MED15: variants seen among roughly 807,000 people sequenced by gnomAD.
The protein encoded by MED15 is mediator of RNA polymerase II transcription subunit 15.
In MED15, 41 loss-of-function variants were observed where a neutral mutation model predicts 118.7. The ratio of observed to expected loss-of-function variants is 0.35; its 90% CI spans 0.27 to 0.45. The LOEUF (loss-of-function observed/expected upper bound fraction) is 0.45, where lower values mean the gene tolerates loss of function less well. MED15 is among the 20% of genes least tolerant of loss of function. The probability of loss-of-function intolerance (pLI) is 1.00; values close to 1 mark genes in which losing one functional copy is unlikely to be tolerated. For synonymous variants in MED15, 436 were observed against 413.9 expected (o/e 1.05, Z -0.65); for missense variants, 740 against 1,025.5 (o/e 0.72, Z 3.80).
rs1304769098 is a variant in MED15 at position 20,586,712 on chromosome 22, T to C, written c.*8T>C. ...TGCCTCTCAGCCGCCTAGCCAAGAC[T>C]GCAGGGATGGCCCGCAGCCTCATCG... On this transcript the variant is annotated 3_prime_UTR_variant, in exon 18 of 18. Transcript: ENST00000263205. 7.4e-6 allele frequency: 12 copies of C among 1,612,204 alleles called. No homozygotes were observed. Among genetic ancestry groups the C allele is most frequent in the Non-Finnish European group, 1.0e-5 (12 of 1,179,884 alleles).
intron 1 of MED15, among the ~76,000 whole-genome samples, chr22:20,536,449 A>T (rs1471783414): frequency 6.6e-6 from 1 of 152,234 alleles, no homozygotes; most frequent in Non-Finnish European, 1.5e-5. Flanking sequence ...CAGCAGTGTG[A>T]TGAAAAACTC....
chr22:20,581,753 G>A (rs971939752), intron 9 of MED15: 1 of 152,276 alleles, frequency 6.6e-6, no homozygotes, highest in African/African-American at 2.4e-5. Flanking sequence ...CCTGATGCCT[G>A]GGTGGTGTGG....
intron 2 of MED15, among the ~76,000 whole-genome samples, chr22:20,544,417 G>C (rs2146482597): frequency 6.6e-6 from 1 of 152,328 alleles, no homozygotes; most frequent in African/African-American, 2.4e-5. Flanking sequence ...TGTAATCCCA[G>C]CACTTTGGGA....
chr22:20,515,833 T>A (rs2054233776), intron 1 of MED15, among the ~76,000 whole-genome samples: 1 of 150,324 alleles, frequency 6.7e-6, no homozygotes, highest in South Asian at 2.1e-4. Context: ...TAAAACCTCG[T>A]CTCTACTAAA....
At chr22:20,555,485 C>G (rs536090749) in intron 5 of MED15, among the ~76,000 whole-genome samples, 1 of 152,300 alleles carries the variant, frequency 6.6e-6, no homozygotes, top group Admixed American at 6.5e-5. Flanking sequence ...GGCTGAGTGC[C>G]AGCAACCACA....
At chr22:20,582,313 T>G (rs376340779) in intron 9 of MED15, 1 of 506,954 alleles carries the variant, frequency 2.0e-6, no homozygotes, top group Non-Finnish European at 3.5e-6. Flanking sequence ...CCTCCCAGAC[T>G]GCCCTTTTCC....
chr22:20,571,496 G>T (rs957806709), intron 8 of MED15, among the ~76,000 whole-genome samples: 5 of 152,256 alleles, frequency 3.3e-5, no homozygotes, highest in Non-Finnish European at 7.3e-5. Context: ...TCAAAGTCCA[G>T]CAGTGGGTAG....
At chr22:20,556,813 C>G (rs1421977337) in intron 5 of MED15, among the ~76,000 whole-genome samples, 1 of 152,154 alleles carries the variant, frequency 6.6e-6, no homozygotes, top group Non-Finnish European at 1.5e-5. Context: ...TGTTGTGTGT[C>G]TCTGTAGTTC....
At chr22:20,512,006 G>T (rs997734) in intron 1 of MED15, among the ~76,000 whole-genome samples, 106,276 of 122,956 alleles carry the variant, frequency 0.86, 45,294 homozygotes, top group African/African-American at 0.94. Flanking sequence ...TTTTTTTTTT[G>T]GAGACAAGAT....
intron 2 of MED15, among the ~76,000 whole-genome samples, chr22:20,547,535 A>G (rs1314880766): frequency 3.9e-5 from 6 of 152,208 alleles, no homozygotes; most frequent in African/African-American, 1.4e-4. Context: ...AATACAAAAA[A>G]TTGGCCAGGC....
At chr22:20,586,241 C>T (rs1471918544) in intron 17 of MED15, among the ~76,000 whole-genome samples, 1 of 152,170 alleles carries the variant, frequency 6.6e-6, no homozygotes, top group Non-Finnish European at 1.5e-5. Flanking sequence ...GCTGTGGCTC[C>T]AGAGAGAACC....
intron 1 of MED15, among the ~76,000 whole-genome samples, chr22:20,510,107 C>T (rs1164148967): frequency 4.6e-5 from 7 of 152,178 alleles, no homozygotes; most frequent in African/African-American, 1.7e-4. Flanking sequence ...ACACCTTTAG[C>T]CAGGTGTGGT....
At chr22:20,551,184 C>A (rs1234143873) in intron 2 of MED15, 1 of 651,082 alleles carries the variant, frequency 1.5e-6, no homozygotes. Context: ...GCCTTTCCAT[C>A]AGGGGAGAGG....
chr22:20,542,725 A>G (rs2055359853), intron 2 of MED15, among the ~76,000 whole-genome samples: 1 of 152,220 alleles, frequency 6.6e-6, no homozygotes, highest in African/African-American at 2.4e-5. Context: ...TGCCTAGTCT[A>G]TAAACTTTCT....
At chr22:20,584,593 A>T (rs2057079898) in intron 14 of MED15, 168 bp downstream of exon 14, 2 of 892,372 alleles carry the variant, frequency 2.2e-6, no homozygotes, top group Admixed American at 5.0e-5. Flanking sequence ...GGGTGGGAAC[A>T]TGGGAGAAGT....
At chr22:20,573,256 C>T (rs177425) in intron 8 of MED15, among the ~76,000 whole-genome samples, 30,031 of 152,220 alleles carry the variant, frequency 0.2, 3,027 homozygotes, top group South Asian at 0.25. Context: ...GCGTAAGCCA[C>T]TGTGCCTGGC....
At chr22:20,539,643 T>C (rs2055212557) in intron 2 of MED15, among the ~76,000 whole-genome samples, 1 of 152,246 alleles carries the variant, frequency 6.6e-6, no homozygotes. Context: ...ATTTGACCTT[T>C]TGAGGAATTG....
intron 8 of MED15, among the ~76,000 whole-genome samples, chr22:20,569,278 A>T (rs530883584): frequency 8.0e-5 from 12 of 150,760 alleles, no homozygotes; most frequent in African/African-American, 2.9e-4. Flanking sequence ...TTTTCCTATA[A>T]CCCCTCCTCT....
At chr22:20,570,830 A>G (rs554820902) in intron 8 of MED15, among the ~76,000 whole-genome samples, 200 of 124,452 alleles carry the variant, frequency 1.6e-3, no homozygotes, top group African/African-American at 6.1e-3. Context: ...CAGTGGTGCA[A>G]TCTTGGCTCA....
Sources: gnomAD v4.1 joint callset for allele counts (sites outside exome capture counted in the v4.1 genomes callset) on GRCh38, gnomAD v4.1.1 for gene constraint, MANE v1.5 for transcripts, NCBI Gene and HGNC (gene_info 2026-07-23, HGNC 2026-07-21) for gene names.